MARCHF3: variants seen among roughly 807,000 people sequenced by gnomAD.
MARCHF3 encodes membrane associated ring-CH-type finger 3.
In MARCHF3, 13 loss-of-function variants were observed where a neutral mutation model predicts 24.2. The observed-to-expected ratio is 0.54, with a 90% CI of 0.35 to 0.85. The LOEUF is 0.85. Ranked by LOEUF, MARCHF3 falls within the 40% of genes least tolerant of loss-of-function variation. The pLI, the probability that MARCHF3 is intolerant of heterozygous loss-of-function variation, is 0.01. For missense variants in MARCHF3, 276 were observed against 325.0 expected, an observed-to-expected ratio of 0.85 and a Z score of 1.16; for synonymous variants, 144 against 137.3, an observed-to-expected ratio of 1.05 and a Z score of -0.34.
intron 1 of MARCHF3, among the ~76,000 whole-genome samples, chr5:127,007,106 T>C (rs1752334324): frequency 6.6e-6 from 1 of 152,142 alleles, no homozygotes; most frequent in Non-Finnish European, 1.5e-5. Flanking sequence ...ACAAGCAAGA[T>C]AGATCTAACA....
chr5:127,025,638 T>C (rs1350016194), intron 1 of MARCHF3, among the ~76,000 whole-genome samples: 1 of 152,186 alleles, frequency 6.6e-6, no homozygotes, highest in Non-Finnish European at 1.5e-5. Flanking sequence ...CAGGAGAGTG[T>C]CTGTGAGGCC....
chr5:126,922,048 G>A lies in MARCHF3; in HGVS notation c.-56-3821C>T, dbSNP rs143444153. Among the ~76,000 whole-genome samples, 902 of 152,344 alleles carry A rather than the reference G, an allele frequency of 5.9e-3. 4 individuals carry two copies. Among genetic ancestry groups the A allele is most frequent in the Non-Finnish European group, 9.7e-3 (659 of 68,028 alleles). ...CCAGGCAGCAGCGATTCATTGCTGC[G>A]TTTCTGAATAGGTTGCCACTGGTAA... is the stretch of plus-strand genomic sequence containing the variant. On this transcript the variant is annotated intron_variant, in intron 1 of 4. Transcript: ENST00000308660.
intron 1 of MARCHF3, among the ~76,000 whole-genome samples, chr5:126,990,078 C>G (rs7717385): frequency 0.99 from 141,552 of 143,218 alleles, 69,961 homozygotes; most frequent in East Asian, 1. Context: ...AAAAGAGCCC[C>G]CATTTAACAA....
chr5:126,897,045 A>ATTTTTTTTTTTTTTTTTTTTTTTTT (rs759577287), intron 3 of MARCHF3, among the ~76,000 whole-genome samples: 5 of 116,450 alleles, frequency 4.3e-5, no homozygotes, highest in African/African-American at 1.4e-4. Flanking sequence ...AAGTTTGAGA[A>ATTTTTTTTTTTTTTTTTTTTTTTTT]TTTTTTTTTT....
At chr5:127,006,425 C>T (rs574170011) in intron 1 of MARCHF3, among the ~76,000 whole-genome samples, 7 of 152,138 alleles carry the variant, frequency 4.6e-5, no homozygotes, top group Admixed American at 2.0e-4. Context: ...TGTTTTAGGC[C>T]ATAAATTCAC....
At chr5:127,027,016 T>A (rs904465664) in intron 1 of MARCHF3, among the ~76,000 whole-genome samples, 1 of 152,256 alleles carries the variant, frequency 6.6e-6, no homozygotes, top group East Asian at 1.9e-4. Flanking sequence ...AGATCCTTTC[T>A]CTTTCAAACC....
At chr5:126,947,419 A>G (rs73786207) in intron 1 of MARCHF3, among the ~76,000 whole-genome samples, 7,867 of 152,300 alleles carry the variant, frequency 0.052, 376 homozygotes, top group South Asian at 0.14. Context: ...AAGGGAGGAG[A>G]ATGAACAAGA....
At chr5:126,987,156 A>C (rs1047692190) in intron 1 of MARCHF3, among the ~76,000 whole-genome samples, 15 of 152,362 alleles carry the variant, frequency 9.8e-5, no homozygotes, top group Non-Finnish European at 2.2e-4. Context: ...TTCTTGGAGA[A>C]GAAGGAATTC....
At chr5:126,950,067 C>T (rs1479428508) in intron 1 of MARCHF3, among the ~76,000 whole-genome samples, 1 of 152,180 alleles carries the variant, frequency 6.6e-6, no homozygotes, top group African/African-American at 2.4e-5. Context: ...CAATATTGAT[C>T]CTACCCATTT....
chr5:126,941,480 T>C (rs1749828137), intron 1 of MARCHF3, among the ~76,000 whole-genome samples: 1 of 152,134 alleles, frequency 6.6e-6, no homozygotes, highest in South Asian at 2.1e-4. Flanking sequence ...GTGGAAAAAT[T>C]TACACTTGTT....
At chr5:126,902,411 T>A (rs1006720555) in intron 3 of MARCHF3, among the ~76,000 whole-genome samples, 1 of 152,150 alleles carries the variant, frequency 6.6e-6, no homozygotes. Flanking sequence ...AGAGGGCTGC[T>A]ATCAAGGTGG....
chr5:126,923,346 G>A (rs958047244), intron 1 of MARCHF3, among the ~76,000 whole-genome samples: 2 of 152,198 alleles, frequency 1.3e-5, no homozygotes, highest in African/African-American at 4.8e-5. Flanking sequence ...GACATTTTCA[G>A]TGCCAAGTCA....
chr5:126,900,125 C>T (rs539023569), intron 3 of MARCHF3, among the ~76,000 whole-genome samples: 1 of 152,128 alleles, frequency 6.6e-6, no homozygotes, highest in African/African-American at 2.4e-5. Flanking sequence ...GAAATAAGGG[C>T]TTTACTCATA....
At chr5:126,933,565 C>T (rs549501179) in intron 1 of MARCHF3, among the ~76,000 whole-genome samples, 1 of 152,144 alleles carries the variant, frequency 6.6e-6, no homozygotes, top group Admixed American at 6.5e-5. Flanking sequence ...CTGCATAAGC[C>T]TCCCGAGTAG....
At chr5:126,942,847 T>G (rs1344276339) in intron 1 of MARCHF3, among the ~76,000 whole-genome samples, 1 of 152,198 alleles carries the variant, frequency 6.6e-6, no homozygotes, top group Non-Finnish European at 1.5e-5. Flanking sequence ...CCAACTCAAA[T>G]AGCTAGATAG....
At chr5:126,996,045 G>A (rs542599231) in intron 1 of MARCHF3, among the ~76,000 whole-genome samples, 7 of 152,198 alleles carry the variant, frequency 4.6e-5, no homozygotes, top group Non-Finnish European at 1.0e-4. Context: ...ACACTTTTGA[G>A]TGCAGATTTG....
chr5:126,967,420 C>CGGT lies in MARCHF3; in HGVS notation c.-56-49196_-56-49194dup, dbSNP rs1347502939. Reference sequence around the variant, plus strand: ...AAATACTCAACATTTAGGCCTGGTGCGGTGGCTCAAGCCTGTAATCCCAGC... The same window carrying CGGT: ...AAATACTCAACATTTAGGCCTGGTGCGGTGGTGGCTCAAGCCTGTAATCCCAGC... On this transcript the variant is annotated intron_variant, in intron 1 of 4. Coordinates refer to ENST00000308660, the MANE Select transcript of MARCHF3 (RefSeq NM_178450.5). 6.6e-5 allele frequency among the ~76,000 whole-genome samples: 10 copies of CGGT among 152,284 alleles called. No homozygotes were observed. In the East Asian group the frequency reaches 1.9e-3, roughly 29 times the overall value.
chr5:126,966,925 TTTTTTTTTTTTTTTTTTTTTGCTA>T (rs1750836276), intron 1 of MARCHF3, among the ~76,000 whole-genome samples: 1 of 127,050 alleles, frequency 7.9e-6, no homozygotes, highest in Non-Finnish European at 1.7e-5. Context: ...TTTTTTTTTT[TTTTTTTTTTTTTTTTTTTTTGCTA>T]TTACCTATTT....
intron 3 of MARCHF3, among the ~76,000 whole-genome samples, chr5:126,882,113 C>T (rs1365818849): frequency 6.6e-6 from 1 of 152,180 alleles, no homozygotes; most frequent in Non-Finnish European, 1.5e-5. Flanking sequence ...TCATAACTCA[C>T]CTAAGGAGAG....
Sources: allele counts gnomAD v4.1 joint callset (sites outside exome capture counted in the v4.1 genomes callset), GRCh38; gene constraint gnomAD v4.1.1; transcripts MANE v1.5; gene names NCBI Gene and HGNC (gene_info 2026-07-23, HGNC 2026-07-21).